EPM2A: variants seen among roughly 807,000 people sequenced by gnomAD.
EPM2A encodes EPM2A glucan phosphatase, laforin.
Under a neutral mutation model 26.5 loss-of-function variants are expected in EPM2A, and 21 were observed. That is an observed-to-expected ratio of 0.79 (90% CI 0.56 to 1.14). The LOEUF is 1.14. Ranked by LOEUF, EPM2A falls within the 50% of genes most tolerant of loss-of-function variation. The pLI, the probability that EPM2A is intolerant of heterozygous loss-of-function variation, is 0.00. For missense variants in EPM2A, 458 were observed against 440.8 expected (o/e 1.04, Z -0.35); for synonymous variants, 217 against 177.6 (o/e 1.22, Z -1.76).
chr6:145,611,857 TAGA>T (rs1299150190), intron 2 of EPM2A, among the ~76,000 whole-genome samples: 2 of 152,062 alleles, frequency 1.3e-5, no homozygotes, highest in African/African-American at 2.4e-5. Context: ...TTGAATTATC[TAGA>T]AGAAGAAAAA....
At chr6:145,593,073 T>C (rs1012035629) in intron 2 of EPM2A, among the ~76,000 whole-genome samples, 2 of 151,880 alleles carry the variant, frequency 1.3e-5, no homozygotes, top group African/African-American at 4.8e-5. Context: ...ACTTTAAATA[T>C]AAAAAGTCAG....
At chr6:145,577,512 A>G (rs1275899965) in intron 2 of EPM2A, among the ~76,000 whole-genome samples, 1 of 152,070 alleles carries the variant, frequency 6.6e-6, no homozygotes, top group African/African-American at 2.4e-5. Context: ...GTAAATATAT[A>G]TGCATTCAAT....
chr6:145,672,608 G>T (rs1213748884), intron 2 of EPM2A, among the ~76,000 whole-genome samples: 1 of 152,210 alleles, frequency 6.6e-6, no homozygotes, highest in African/African-American at 2.4e-5. Context: ...CTCCTCAGCT[G>T]GGAAACTTTC....
chr6:145,460,623 C>T (rs946768573), intron 4 of EPM2A, among the ~76,000 whole-genome samples: 1 of 151,908 alleles, frequency 6.6e-6, no homozygotes, highest in Admixed American at 6.6e-5. Flanking sequence ...CCTTCCTGTA[C>T]GAGAGGGAAG....
At chr6:145,477,713 T>C (rs1413287646) in intron 4 of EPM2A, among the ~76,000 whole-genome samples, 1 of 151,940 alleles carries the variant, frequency 6.6e-6, no homozygotes, top group Non-Finnish European at 1.5e-5. Context: ...TGGAAAAGCA[T>C]TTGATAAAAT....
At chr6:145,663,289 C>G (rs1419209996) in intron 2 of EPM2A, among the ~76,000 whole-genome samples, 1 of 152,182 alleles carries the variant, frequency 6.6e-6, no homozygotes, top group Non-Finnish European at 1.5e-5. Context: ...CTCCAGTCTA[C>G]AGCTCCCAGC....
intron 4 of EPM2A, among the ~76,000 whole-genome samples, chr6:145,441,529 G>C (rs1463219195): frequency 6.6e-6 from 1 of 152,102 alleles, no homozygotes; most frequent in African/African-American, 2.4e-5. Context: ...GCATTGTCAG[G>C]CTGCAAATTT....
In EPM2A at chr6:145,664,086, C is replaced by A. The variant is rs1399840566; in HGVS notation, c.476+22036G>T. On this transcript the variant is annotated intron_variant, in intron 2 of 3. Transcript: ENST00000367519. ...TGCCAAAATGTAAAGACCATCGAGA[C>A]TAGGAAGAAACTGCATCAACTAACG... 2.4e-5 allele frequency among the ~76,000 whole-genome samples: 2 copies of A among 82,782 alleles called. 1 individual carries two copies. Among genetic ancestry groups the A allele is most frequent in the Non-Finnish European group, 4.7e-5 (2 of 42,958 alleles). The allele number at this position is 82,782 out of a possible 152,430, so 54.3% of individuals were successfully genotyped here. A position where few individuals can be genotyped will look rare whatever the true frequency, so the allele number is the denominator to read the frequency against.
chr6:145,508,271 G>C (rs186708979), intron 2 of EPM2A, among the ~76,000 whole-genome samples: 2 of 152,228 alleles, frequency 1.3e-5, no homozygotes, highest in African/African-American at 4.8e-5. Flanking sequence ...CCAAAGGTGA[G>C]CATGAGCTGA....
intron 1 of EPM2A, chr6:145,721,442 A>C (rs1775944977): frequency 6.6e-6 from 1 of 152,172 alleles, no homozygotes; most frequent in South Asian, 2.1e-4. Context: ...AAAATAAAAC[A>C]TTTTAATGAG....
At chr6:145,728,539 T>A (rs1562528162) in intron 1 of EPM2A, among the ~76,000 whole-genome samples, 1 of 152,246 alleles carries the variant, frequency 6.6e-6, no homozygotes, top group Non-Finnish European at 1.5e-5. Flanking sequence ...TGTGGAAATC[T>A]GAACTTGAGA....
At chr6:145,672,690 C>A (rs927897911) in intron 2 of EPM2A, among the ~76,000 whole-genome samples, 2 of 152,326 alleles carry the variant, frequency 1.3e-5, no homozygotes, top group South Asian at 4.1e-4. Flanking sequence ...ACTGGGGGAA[C>A]CCCGGCACAA....
chr6:145,695,441 C>T (rs1781516662), intron 1 of EPM2A, among the ~76,000 whole-genome samples: 1 of 151,950 alleles, frequency 6.6e-6, no homozygotes, highest in South Asian at 2.1e-4. Context: ...TAAGTCCTTA[C>T]ATACTATAAT....
At chr6:145,586,785 G>T (rs1781201007) in intron 2 of EPM2A, among the ~76,000 whole-genome samples, 1 of 152,004 alleles carries the variant, frequency 6.6e-6, no homozygotes, top group South Asian at 2.1e-4. Flanking sequence ...ATTAAAAAAG[G>T]GATAATTGTA....
intron 2 of EPM2A, among the ~76,000 whole-genome samples, chr6:145,510,765 G>A (rs1780044055): frequency 6.6e-6 from 1 of 152,028 alleles, no homozygotes; most frequent in African/African-American, 2.4e-5. Flanking sequence ...TAAAATTAGA[G>A]CAGAACTAAA....
At chr6:145,539,559 C>T (rs1780479267) in intron 2 of EPM2A, among the ~76,000 whole-genome samples, 1 of 152,136 alleles carries the variant, frequency 6.6e-6, no homozygotes, top group Admixed American at 6.6e-5. Context: ...AGAGAATGTC[C>T]ATCATTGTTT....
At chr6:145,714,159 A>G (rs143250388) in intron 1 of EPM2A, among the ~76,000 whole-genome samples, 1,651 of 152,342 alleles carry the variant, frequency 0.011, 12 homozygotes, top group Admixed American at 0.018. Context: ...TGATAGTTAC[A>G]TAACATTTTG....
At chr6:145,610,546 T>C (rs985594982) in intron 2 of EPM2A, among the ~76,000 whole-genome samples, 6 of 152,238 alleles carry the variant, frequency 3.9e-5, no homozygotes, top group Non-Finnish European at 1.5e-5. Flanking sequence ...TTACATCCAC[T>C]TAACAAAGTC....
intron 2 of EPM2A, among the ~76,000 whole-genome samples, chr6:145,553,874 GAT>G (rs544240066): frequency 2.7e-5 from 4 of 146,218 alleles, no homozygotes; most frequent in Admixed American, 2.1e-4. Context: ...TATATTACTT[GAT>G]ATATATATAT....
Sources: allele counts gnomAD v4.1 joint callset (sites outside exome capture counted in the v4.1 genomes callset), GRCh38; gene constraint gnomAD v4.1.1; transcripts MANE v1.5; gene names NCBI Gene and HGNC (gene_info 2026-07-23, HGNC 2026-07-21).